The following KATNAL1 variants were observed in gnomAD, a reference collection of about 807,000 sequenced individuals.
KATNAL1 encodes katanin p60 ATPase-containing subunit A-like 1.
Under a neutral mutation model 55.2 loss-of-function variants are expected in KATNAL1, and 32 were observed. The observed-to-expected ratio is 0.58, with a 90% CI of 0.44 to 0.78. KATNAL1 has a LOEUF of 0.78. Ranked by LOEUF, KATNAL1 falls within the 30% of genes least tolerant of loss-of-function variation. The probability of loss-of-function intolerance (pLI) is 0.00; values close to 1 mark genes in which losing one functional copy is unlikely to be tolerated. For synonymous variants in KATNAL1, 193 were observed against 193.6 expected, an observed-to-expected ratio of 1.00 and a Z score of 0.02; for missense variants, 466 against 600.9, an observed-to-expected ratio of 0.78 and a Z score of 2.35.
rs1878744992 is a variant in KATNAL1, at chr13:30,255,911, T to C, written c.324-296A>G. Among the ~76,000 whole-genome samples the C allele has an allele frequency of 3.9e-5, 6 of 152,284 alleles. No individual in the cohort carries two copies. In the South Asian group the frequency reaches 1.2e-3, roughly 32 times the overall value. ...TAGAGGGCAACACAGACTATCCCTA[T>C]CTAATAATCTTAACAACATAATGGA... On this transcript the variant is annotated intron_variant, in intron 3 of 10. Coordinates refer to ENST00000380615, the MANE Select transcript of KATNAL1 (RefSeq NM_032116.5).
intron 1 of KATNAL1, among the ~76,000 whole-genome samples, chr13:30,298,166 G>T (rs202090): frequency 5.9e-5 from 9 of 152,112 alleles, no homozygotes; most frequent in African/African-American, 2.2e-4. Flanking sequence ...TAGCTTTATC[G>T]CAATATTTGC....
chr13:30,283,736 T>C lies in KATNAL1; in HGVS notation c.42A>G (p.Arg14=), dbSNP rs1274110717. 6 of 1,613,020 alleles carry C rather than the reference T, an allele frequency of 3.7e-6. No homozygotes were observed. In the Admixed American group the frequency reaches 1.0e-4, roughly 27 times the overall value. ...CGTAATTTCCAAGAAGGGCATATTC[T>C]CTTCCTTTCTTTGCATTATCACAAA... ...AEICDNAKKG[R]EYALLGNYDS... The change falls in exon 2 of 11, where the codon AGA becomes AGG. Residue 14 remains arginine, a synonymous_variant. Coordinates refer to ENST00000380615, the MANE Select transcript of KATNAL1 (RefSeq NM_032116.5).
At chr13:30,291,133 TG>T (rs1382372777) in intron 1 of KATNAL1, among the ~76,000 whole-genome samples, 1 of 152,176 alleles carries the variant, frequency 6.6e-6, no homozygotes, top group Non-Finnish European at 1.5e-5. Flanking sequence ...GCATGCAGAT[TG>T]GAAAAGAAGT....
intron 3 of KATNAL1, among the ~76,000 whole-genome samples, chr13:30,266,012 C>CA (rs776557665): frequency 0.024 from 845 of 34,706 alleles, 5 homozygotes; most frequent in Admixed American, 0.028. Flanking sequence ...AACTCCATCT[C>CA]AAAAAAAAAA....
intron 1 of KATNAL1, among the ~76,000 whole-genome samples, chr13:30,301,964 C>CA (rs968682046): frequency 6.6e-6 from 1 of 152,170 alleles, no homozygotes; most frequent in Non-Finnish European, 1.5e-5. Flanking sequence ...CTGGACCTCC[C>CA]AGTCTCAACC....
At chr13:30,302,122 C>A (rs894952175) in intron 1 of KATNAL1, among the ~76,000 whole-genome samples, 1 of 152,180 alleles carries the variant, frequency 6.6e-6, no homozygotes, top group African/African-American at 2.4e-5. Flanking sequence ...CTTTCTGCCC[C>A]TCTCAGCCTC....
intron 1 of KATNAL1, among the ~76,000 whole-genome samples, chr13:30,305,034 GT>G (rs11403777): frequency 1.3e-5 from 2 of 152,016 alleles, no homozygotes; most frequent in Non-Finnish European, 1.5e-5. Context: ...ACTGGACTTT[GT>G]TTTTTTCTAT....
chr13:30,262,440 T>C (rs1190706815), intron 3 of KATNAL1, among the ~76,000 whole-genome samples: 3 of 152,036 alleles, frequency 2.0e-5, no homozygotes, highest in South Asian at 2.1e-4. Flanking sequence ...ACTGGTTTTT[T>C]GAAAGGATCA....
intron 3 of KATNAL1, among the ~76,000 whole-genome samples, chr13:30,274,125 AG>A (rs530084531): frequency 1.5e-3 from 236 of 152,368 alleles, no homozygotes; most frequent in African/African-American, 5.5e-3. Flanking sequence ...TGAGGTATAC[AG>A]AAAGGAACTT....
intron 3 of KATNAL1, among the ~76,000 whole-genome samples, chr13:30,268,828 C>A (rs989652852): frequency 6.6e-5 from 10 of 152,048 alleles, no homozygotes; most frequent in Non-Finnish European, 1.3e-4. Flanking sequence ...ATGAATAAAC[C>A]TAAATAAGCA....
intron 4 of KATNAL1, among the ~76,000 whole-genome samples, chr13:30,251,139 CAAAA>C (rs34899786): frequency 2.3e-5 from 2 of 85,908 alleles, no homozygotes; most frequent in Admixed American, 1.2e-4. Context: ...GACTCTGCCT[CAAAA>C]AAAAAAAAAA....
intron 4 of KATNAL1, among the ~76,000 whole-genome samples, chr13:30,252,076 T>C (rs1004704269): frequency 6.6e-6 from 1 of 152,190 alleles, no homozygotes; most frequent in Non-Finnish European, 1.5e-5. Context: ...AGAGTCTGTA[T>C]AGCATAATGA....
intron 3 of KATNAL1, among the ~76,000 whole-genome samples, chr13:30,272,363 A>G (rs1039772389): frequency 2.0e-5 from 3 of 152,180 alleles, no homozygotes; most frequent in African/African-American, 7.2e-5. Flanking sequence ...GCGCCACTGC[A>G]CTTCAGCCTG....
In KATNAL1 at chr13:30,207,583, T is replaced by C. The variant is rs1292529377; in HGVS notation, c.*957A>G. 1.3e-5 allele frequency: 2 copies of C among 152,218 alleles called. No individual in the cohort carries two copies. The highest frequency in any genetic ancestry group is 3.8e-4 in the East Asian group (2 of 5,200). The allele number at this position is 152,218 out of a possible 1,614,324, so 9.4% of individuals were successfully genotyped here. ...GGAGCTGAGAAAAATAATGGCTATATATCTGGTTGAACATGTTGAAAGAAA... is the reference window on the plus strand; with the variant it reads ...GGAGCTGAGAAAAATAATGGCTATACATCTGGTTGAACATGTTGAAAGAAA... On this transcript the variant is annotated 3_prime_UTR_variant, in exon 11 of 11. Coordinates refer to ENST00000380615, the MANE Select transcript of KATNAL1 (RefSeq NM_032116.5).
chr13:30,267,303 G>A (rs1879852377), intron 3 of KATNAL1, among the ~76,000 whole-genome samples: 1 of 152,150 alleles, frequency 6.6e-6, no homozygotes. Context: ...CTACTCTACA[G>A]ATAATAAAAT....
chr13:30,227,831 A>G (rs538150509), intron 8 of KATNAL1, among the ~76,000 whole-genome samples: 1 of 152,092 alleles, frequency 6.6e-6, no homozygotes, highest in Non-Finnish European at 1.5e-5. Context: ...TTTCTGTAAG[A>G]AAATGAATGT....
At chr13:30,261,389 G>A (rs1879273963) in intron 3 of KATNAL1, among the ~76,000 whole-genome samples, 1 of 152,008 alleles carries the variant, frequency 6.6e-6, no homozygotes, top group African/African-American at 2.4e-5. Context: ...CAATGTAAAT[G>A]GACTAAATGC....
At chr13:30,237,099 C>T (rs1229205597) in intron 6 of KATNAL1, among the ~76,000 whole-genome samples, 1 of 152,200 alleles carries the variant, frequency 6.6e-6, no homozygotes, top group African/African-American at 2.4e-5. Flanking sequence ...GCACTTACCA[C>T]ATGGCCTCCA....
chr13:30,279,650 C>T (rs1881124148), intron 3 of KATNAL1, among the ~76,000 whole-genome samples: 1 of 152,168 alleles, frequency 6.6e-6, no homozygotes, highest in South Asian at 2.1e-4. Flanking sequence ...AAGGTTCCTT[C>T]TACACTAAAA....
Sources: allele counts gnomAD v4.1 joint callset (sites outside exome capture counted in the v4.1 genomes callset), GRCh38; gene constraint gnomAD v4.1.1; transcripts MANE v1.5; gene names NCBI Gene and HGNC (gene_info 2026-07-23, HGNC 2026-07-21).